NDUFA10: variants seen among roughly 807,000 people sequenced by gnomAD.
NDUFA10 encodes the protein NADH:ubiquinone oxidoreductase subunit A10, also known as NADH dehydrogenase [ubiquinone] 1 alpha subcomplex subunit 10, mitochondrial.
Under a neutral mutation model 47.8 loss-of-function variants are expected in NDUFA10, and 40 were observed. The observed-to-expected ratio is 0.84, with a 90% CI of 0.65 to 1.09. The LOEUF (loss-of-function observed/expected upper bound fraction) is 1.09. NDUFA10 is among the 50% of genes least tolerant of loss of function. The pLI is 0.00. For missense variants in NDUFA10, 413 were observed against 451.1 expected (o/e 0.92, Z 0.76); for synonymous variants, 183 against 172.2 (o/e 1.06, Z -0.49).
chr2:240,006,839 T>C (rs1696966254), intron 7 of NDUFA10, among the ~76,000 whole-genome samples: 1 of 152,230 alleles, frequency 6.6e-6, no homozygotes, highest in African/African-American at 2.4e-5. Flanking sequence ...CTTACTACAA[T>C]CGTATAGTTT....
At position 239,911,244 on chromosome 2, in the gene NDUFA10, G is replaced by A. The variant is rs138141278; in HGVS notation, c.295-15930C>T. Among the ~76,000 whole-genome samples, 207 of 152,214 alleles carry A rather than the reference G, an allele frequency of 1.4e-3. 1 individual carries two copies. The highest frequency in any genetic ancestry group is 4.7e-3 in the African/African-American group (197 of 41,532). ...TAATCCTGGCTCACACCCTGACCTG[G>A]GAGAAGGGGCTCAGGACTATCCCAG... On this transcript the variant is annotated intron_variant, in intron 4 of 5. Transcript: ENST00000419408.
intron 6 of NDUFA10, among the ~76,000 whole-genome samples, chr2:240,011,196 A>G (rs1156307763): frequency 2.0e-5 from 3 of 152,232 alleles, no homozygotes; most frequent in African/African-American, 7.2e-5. Flanking sequence ...AAGGACATCA[A>G]TTAAGAATGT....
intron 4 of NDUFA10, among the ~76,000 whole-genome samples, chr2:239,898,377 G>A (rs1243385097): frequency 6.6e-6 from 1 of 152,222 alleles, no homozygotes; most frequent in Non-Finnish European, 1.5e-5. Flanking sequence ...GCCCCTGCCT[G>A]CCAGCCTCCA....
intron 4 of NDUFA10, among the ~76,000 whole-genome samples, chr2:239,918,560 C>T (rs925350042): frequency 2.6e-5 from 4 of 152,240 alleles, no homozygotes; most frequent in Non-Finnish European, 5.9e-5. Flanking sequence ...CCCATGAACA[C>T]AATCTCATAC....
At chr2:239,921,345 AAAG>A (rs1693977426) in intron 4 of NDUFA10, among the ~76,000 whole-genome samples, 1 of 90,412 alleles carries the variant, frequency 1.1e-5, no homozygotes, top group African/African-American at 8.1e-5. Context: ...GTGGAGAAGG[AAAG>A]AACAAAGCTT....
At chr2:239,969,492 G>A in intron 9 of NDUFA10, 1 of 360,664 alleles carries the variant, frequency 2.8e-6, no homozygotes, top group South Asian at 2.1e-5. Flanking sequence ...TACAGAATGT[G>A]CCTGGTCAGT....
rs971456756 is a variant in NDUFA10, at chr2:239,960,497, A to G, written c.*621T>C. 4.0e-6 allele frequency: 4 copies of G among 996,378 alleles called. No homozygotes were observed. The highest frequency in any genetic ancestry group is 3.5e-5 in the African/African-American group (2 of 57,494). The allele number at this position is 996,378 out of a possible 1,614,324, so 61.7% of individuals were successfully genotyped here. A position where few individuals can be genotyped will look rare whatever the true frequency, so the allele number is the denominator to read the frequency against. On this transcript the variant is annotated 3_prime_UTR_variant, in exon 10 of 10. Transcript: ENST00000252711. The stretch of plus-strand genomic sequence containing the variant: ...TGAATCTTTCTCAACGTCTCTCTTA[A>G]AACATATTGTTCTGTAAATCTGTGG...
chr2:239,914,922 TAC>T lies in NDUFA10; in HGVS notation c.295-19610_295-19609del, dbSNP rs1693823797. On this transcript the variant is annotated intron_variant, in intron 4 of 5. Coordinates refer to the NDUFA10 transcript ENST00000419408. ...ATACATACTCAGACACACACAAATA[TAC>T]AGATACAGAGAGAGACACAGAGATA... is the stretch of plus-strand genomic sequence containing the variant. Among the ~76,000 whole-genome samples, 6 of 133,626 alleles carry T rather than the reference TAC, an allele frequency of 4.5e-5. No individual in the cohort carries two copies. The Admixed American group carries it at 4.6e-4, about 10-fold the overall frequency. 87.7% of individuals were successfully genotyped at this position (133,626 alleles called of 152,430 possible). A position where few individuals can be genotyped will look rare whatever the true frequency, so the allele number is the denominator to read the frequency against.
intron 4 of NDUFA10, among the ~76,000 whole-genome samples, chr2:239,926,029 A>C (rs1694059464): frequency 6.6e-6 from 1 of 152,240 alleles, no homozygotes; most frequent in Admixed American, 6.5e-5. Context: ...ATTGTCCTTC[A>C]CACATCATTG....
chr2:239,964,942 C>T (rs902830684), intron 9 of NDUFA10, among the ~76,000 whole-genome samples: 50 of 152,268 alleles, frequency 3.3e-4, no homozygotes, highest in African/African-American at 1.2e-3. Context: ...GGCCAGCAGG[C>T]GCCTCTCTTA....
chr2:239,969,851 T>C (rs1181034654), intron 9 of NDUFA10: 1 of 454,522 alleles, frequency 2.2e-6, no homozygotes, highest in Non-Finnish European at 4.5e-6. Context: ...CTATCCAAAA[T>C]TAGGCACAGA....
In NDUFA10 at chr2:239,959,239, C is replaced by T. The variant is rs143421241; in HGVS notation, c.*1879G>A. 2,648 of 985,418 alleles carry T rather than the reference C, an allele frequency of 2.7e-3. 3 individuals carry two copies. The highest frequency in any genetic ancestry group is 3.0e-3 in the Non-Finnish European group (2,485 of 829,930). 61.0% of individuals were successfully genotyped at this position (985,418 alleles called of 1,614,324 possible). On this transcript the variant is annotated 3_prime_UTR_variant, in exon 10 of 10. Transcript: ENST00000252711. ...CAGAGCACCCGAGTCCACACCATGC[C>T]GACACGGAGCCCTGCATGGTTGGAG...
rs776242214 is a variant in NDUFA10, at chr2:240,021,393, T to C, written c.264A>G (p.Glu88=). The part of the protein sequence containing the change: ...AEKLGFKHFP[E]AGIHYPDSTT... Reference sequence around the variant, plus strand: ...TACTGTCTGGATAATGAATCCCCGCTTCAGGAAAGTGCTTGAAGCCTGAAA... The same window carrying C: ...TACTGTCTGGATAATGAATCCCCGCCTCAGGAAAGTGCTTGAAGCCTGAAA... Residue 88 remains glutamate, a synonymous_variant, in exon 3 of 10, where the codon GAA becomes GAG. Transcript: ENST00000252711. 1.2e-6 allele frequency: 2 copies of C among 1,614,080 alleles called. No individual in the cohort carries two copies. The highest frequency in any genetic ancestry group is 1.7e-6 in the Non-Finnish European group (2 of 1,180,038).
intron 9 of NDUFA10, chr2:239,969,643 G>T (rs531926194): frequency 7.6e-5 from 36 of 470,972 alleles, no homozygotes; most frequent in Non-Finnish European, 9.2e-5. Context: ...TCACAGTCCC[G>T]CAAGGAAGAG....
chr2:239,960,993 C>T lies in NDUFA10; in HGVS notation c.*125G>A. 6.5e-7 allele frequency: 1 copy of T among 1,549,318 alleles called. No homozygotes were observed. Among genetic ancestry groups the T allele is most frequent in the Non-Finnish European group, 8.7e-7 (1 of 1,147,462 alleles). On this transcript the variant is annotated 3_prime_UTR_variant, in exon 10 of 10. Transcript: ENST00000252711. Reference sequence around the variant, plus strand: ...TGGATTGCTTTTTGTGAGACCCCTTCTTCCACTGTGCAATTTTTGCATTAT... The same window carrying T: ...TGGATTGCTTTTTGTGAGACCCCTTTTTCCACTGTGCAATTTTTGCATTAT...
downstream of NDUFA10, among the ~76,000 whole-genome samples, chr2:239,956,217 G>A (rs1486802408): frequency 1.3e-5 from 2 of 152,160 alleles, no homozygotes; most frequent in East Asian, 1.9e-4. Flanking sequence ...TACACTTGGA[G>A]GTGGGGCCGG....
At chr2:239,943,596 G>A (rs1199229405) in intron 4 of NDUFA10, among the ~76,000 whole-genome samples, 1 of 152,212 alleles carries the variant, frequency 6.6e-6, no homozygotes, top group Non-Finnish European at 1.5e-5. Flanking sequence ...ACTGGGGGCA[G>A]GACACTGTGA....
intron 4 of NDUFA10, among the ~76,000 whole-genome samples, chr2:239,944,601 G>A (rs1044036572): frequency 2.0e-5 from 3 of 152,198 alleles, no homozygotes; most frequent in African/African-American, 4.8e-5. Context: ...CTGGCAGCGC[G>A]GATCAAGAAA....
At chr2:239,892,824 G>A (rs902693306) in intron 5 of NDUFA10, 1 of 152,270 alleles carries the variant, frequency 6.6e-6, no homozygotes, top group African/African-American at 2.4e-5. Flanking sequence ...GAAACCAGCT[G>A]GCACAGTTGA....
Sources: allele counts gnomAD v4.1 joint callset (sites outside exome capture counted in the v4.1 genomes callset), GRCh38; gene constraint gnomAD v4.1.1; transcripts MANE v1.5; gene names NCBI Gene and HGNC (gene_info 2026-07-23, HGNC 2026-07-21).